The following PPP1R12B variants were observed in gnomAD, a reference collection of about 807,000 sequenced individuals.
PPP1R12B encodes protein phosphatase 1 regulatory subunit 12B.
PPP1R12B carries 76 observed loss-of-function variants against 126.1 expected under a neutral mutation model. That is an observed-to-expected ratio of 0.60 (90% confidence interval 0.50 to 0.73). The LOEUF (loss-of-function observed/expected upper bound fraction) is 0.73, where lower values mean the gene tolerates loss of function less well. Ranked by LOEUF, PPP1R12B falls within the 30% of genes least tolerant of loss-of-function variation. The pLI, the probability that PPP1R12B is intolerant of heterozygous loss-of-function variation, is 0.00. For missense variants in PPP1R12B, 1,052 were observed against 1,205.1 expected (o/e 0.87, Z 1.88); for synonymous variants, 356 against 434.7 (o/e 0.82, Z 2.25).
intron 18 of PPP1R12B, among the ~76,000 whole-genome samples, chr1:202,550,033 T>C (rs1371770653): frequency 1.3e-5 from 2 of 152,214 alleles, no homozygotes; most frequent in African/African-American, 4.8e-5. Flanking sequence ...CAGATTCCTG[T>C]TTATTGCAAT....
chr1:202,395,661 A>G (rs974314752), intron 1 of PPP1R12B, among the ~76,000 whole-genome samples: 3 of 152,230 alleles, frequency 2.0e-5, no homozygotes, highest in African/African-American at 7.2e-5. Flanking sequence ...CACTGCTATT[A>G]TAACCAGTTC....
chr1:202,401,361 ATTTTTTTT>A (rs34810265), intron 1 of PPP1R12B, among the ~76,000 whole-genome samples: 55 of 71,444 alleles, frequency 7.7e-4, no homozygotes, highest in East Asian at 5.5e-3. Context: ...GGCTAATTTA[ATTTTTTTT>A]TTTTTTTTTT....
chr1:202,370,681 C>T (rs1367433153), intron 1 of PPP1R12B, among the ~76,000 whole-genome samples: 18 of 152,130 alleles, frequency 1.2e-4, no homozygotes, highest in Admixed American at 3.3e-4. Context: ...GGATTACAGG[C>T]GCCTGCCACC....
intron 1 of PPP1R12B, among the ~76,000 whole-genome samples, chr1:202,412,458 G>A (rs1439622189): frequency 6.6e-6 from 1 of 152,188 alleles, no homozygotes; most frequent in Admixed American, 6.5e-5. Flanking sequence ...GACTAGCTGG[G>A]CTTATTTTAG....
At position 202,488,545 on chromosome 1, in the gene PPP1R12B, T is replaced by A. The variant is rs772069507; in HGVS notation, c.1863T>A (p.Thr621=). 7 of 1,610,644 alleles carry A rather than the reference T, an allele frequency of 4.3e-6. No homozygotes were observed. The highest frequency in any genetic ancestry group is 5.9e-6 in the Non-Finnish European group (7 of 1,177,740). ...EAREKRRSYL[T]PVRDEEAESL... is the part of the protein sequence containing the mutation. ...TTTTTCTCTGCAGGTCCTATCTGAC[T>A]CCTGTACGGGATGAGGAAGCAGAGT... Residue 621 remains threonine (T), a synonymous_variant, in exon 14 of 24, where the codon ACT becomes ACA. Transcript: ENST00000608999.
intron 20 of PPP1R12B, 45 bp downstream of exon 20, chr1:202,562,967 C>T: frequency 6.7e-7 from 1 of 1,501,252 alleles, no homozygotes; most frequent in Non-Finnish European, 8.9e-7. Context: ...GACATGTAAA[C>T]CTCTCAGCCT....
intron 18 of PPP1R12B, among the ~76,000 whole-genome samples, chr1:202,557,623 G>A (rs1687093792): frequency 6.6e-6 from 1 of 152,154 alleles, no homozygotes; most frequent in South Asian, 2.1e-4. Flanking sequence ...TTTAACCAGG[G>A]CTGTACAGCA....
chr1:202,426,857 A>G (rs1213494246), intron 4 of PPP1R12B, among the ~76,000 whole-genome samples, 183 bp from the exon 5 acceptor site: 4 of 152,240 alleles, frequency 2.6e-5, no homozygotes, highest in Admixed American at 6.5e-5. Context: ...GGTAAAGGTC[A>G]TCTATGATTG....
rs747738333 is a variant in PPP1R12B at position 202,562,750 on chromosome 1, T to C, written c.2508-28T>C. ...CCCACTACTTTGTTCTCAAAACCAA[T>C]TTTTATCTTTAATATTATCTCCCAC... On this transcript the variant is annotated intron_variant, in intron 19 of 23. Coordinates refer to ENST00000608999, the MANE Select transcript of PPP1R12B (RefSeq NM_002481.4). The C allele has an allele frequency of 2.5e-6, 4 of 1,605,140 alleles. No individual in the cohort carries two copies. The South Asian group carries it at 3.3e-5, about 13-fold the overall frequency.
chr1:202,488,743 G>A (rs1305395755), intron 14 of PPP1R12B, 120 bp downstream of exon 14: 53 of 881,174 alleles, frequency 6.0e-5, no homozygotes, highest in Middle Eastern at 3.3e-4. Context: ...ACACACACAC[G>A]CTCACGGCTT....
intron 1 of PPP1R12B, among the ~76,000 whole-genome samples, chr1:202,354,794 G>C (rs1403600863): frequency 6.6e-6 from 1 of 150,518 alleles, no homozygotes; most frequent in Non-Finnish European, 1.5e-5. Flanking sequence ...ATTACAGGGG[G>C]GTGACACCAC....
chr1:202,401,361 A>ATTTTTTTTTTTTTTT (rs34810265), intron 1 of PPP1R12B, among the ~76,000 whole-genome samples: 1 of 71,446 alleles, frequency 1.4e-5, no homozygotes, highest in Non-Finnish European at 2.5e-5. Flanking sequence ...GGCTAATTTA[A>ATTTTTTTTTTTTTTT]TTTTTTTTTT....
At chr1:202,388,121 A>C (rs1483138094) in intron 1 of PPP1R12B, among the ~76,000 whole-genome samples, 6 of 143,738 alleles carry the variant, frequency 4.2e-5, no homozygotes, top group African/African-American at 1.6e-4. Context: ...AGAAGCAGCA[A>C]AAAAAAAAAA....
chr1:202,518,846 C>T (rs1682442550), intron 18 of PPP1R12B, among the ~76,000 whole-genome samples: 1 of 152,170 alleles, frequency 6.6e-6, no homozygotes, highest in Admixed American at 6.6e-5. Context: ...TGTCAGAGAA[C>T]TTTATCCCTC....
rs1344744023 is a variant in PPP1R12B at position 202,580,600 on chromosome 1, T to C, written c.*40T>C. On this transcript the variant is annotated 3_prime_UTR_variant, in exon 24 of 24. Coordinates refer to ENST00000608999, the MANE Select transcript of PPP1R12B (RefSeq NM_002481.4). ...TTATGAGGAAAGAAAGGGACAGCAT[T>C]TGCTGCCCCCACCCCTCTTTTCCAG... The C allele has an allele frequency of 1.3e-6, 2 of 1,495,304 alleles. No homozygotes were observed. Among genetic ancestry groups the C allele is most frequent in the East Asian group, 4.5e-5 (2 of 44,310 alleles). The allele number at this position is 1,495,304 out of a possible 1,614,324, so 92.6% of individuals were successfully genotyped here.
chr1:202,444,703 C>G (rs1442771672), intron 12 of PPP1R12B, among the ~76,000 whole-genome samples: 2 of 152,036 alleles, frequency 1.3e-5, no homozygotes, highest in Non-Finnish European at 1.5e-5. Context: ...ATCCTTTTTC[C>G]TATTATTCCC....
chr1:202,422,036 A>G (rs2148634743), intron 2 of PPP1R12B, among the ~76,000 whole-genome samples: 1 of 152,360 alleles, frequency 6.6e-6, no homozygotes, highest in African/African-American at 2.4e-5. Flanking sequence ...AAAAGGATCT[A>G]TGTAAGGTAT....
chr1:202,499,238 G>C (rs1383310529), intron 18 of PPP1R12B, among the ~76,000 whole-genome samples: 1 of 152,100 alleles, frequency 6.6e-6, no homozygotes, highest in East Asian at 1.9e-4. Context: ...GGAAAAGATA[G>C]AAATCAACCA....
At chr1:202,577,774 G>A (rs1689226016) in intron 23 of PPP1R12B, among the ~76,000 whole-genome samples, 1 of 152,112 alleles carries the variant, frequency 6.6e-6, no homozygotes, top group Admixed American at 6.5e-5. Flanking sequence ...GACCCCTGTA[G>A]CCCCTTCCTC....
Sources: allele counts gnomAD v4.1 joint callset (sites outside exome capture counted in the v4.1 genomes callset), GRCh38; gene constraint gnomAD v4.1.1; transcripts MANE v1.5; gene names NCBI Gene and HGNC (gene_info 2026-07-23, HGNC 2026-07-21).